Variants in SGMS1 observed in about 807,000 individuals in gnomAD.
SGMS1 encodes phosphatidylcholine:ceramide cholinephosphotransferase 1.
A neutral mutation model predicts 46.2 loss-of-function variants in SGMS1; 13 were observed. The ratio of observed to expected loss-of-function variants is 0.28; its 90% CI spans 0.18 to 0.45. SGMS1 has a LOEUF of 0.45. SGMS1 is among the 20% of genes least tolerant of loss of function. The pLI is 1.00. For synonymous variants in SGMS1, 203 were observed against 187.8 expected, an observed-to-expected ratio of 1.08 and a Z score of -0.66; for missense variants, 324 against 519.9, an observed-to-expected ratio of 0.62 and a Z score of 3.66.
intron 9 of SGMS1, among the ~76,000 whole-genome samples, chr10:50,309,558 C>A (rs1028982355): frequency 3.6e-4 from 55 of 152,182 alleles, no homozygotes; most frequent in Admixed American, 8.5e-4. Context: ...ATCCCTCCCC[C>A]AGGGGTGCTG....
At chr10:50,346,812 C>T (rs1444529872) in intron 6 of SGMS1, among the ~76,000 whole-genome samples, 1 of 152,012 alleles carries the variant, frequency 6.6e-6, no homozygotes, top group African/African-American at 2.4e-5. Context: ...GTGATTCTCC[C>T]AACTCAGCCT....
intron 6 of SGMS1, among the ~76,000 whole-genome samples, chr10:50,381,334 A>G (rs1436666063): frequency 6.6e-6 from 1 of 152,130 alleles, no homozygotes; most frequent in African/African-American, 2.4e-5. Context: ...TCTGAGGTGC[A>G]AGCAAAAGCA....
chr10:50,587,961 A>G (rs1483415755), intron 2 of SGMS1, among the ~76,000 whole-genome samples: 1 of 152,112 alleles, frequency 6.6e-6, no homozygotes, highest in Non-Finnish European at 1.5e-5. Flanking sequence ...ACTTCAGTAG[A>G]AAGTTTTTTA....
chr10:50,319,696 G>T (rs73330914), intron 8 of SGMS1, among the ~76,000 whole-genome samples: 84 of 152,164 alleles, frequency 5.5e-4, no homozygotes, highest in African/African-American at 2.0e-3. Context: ...AACACTGTTG[G>T]CAGGAGTATT....
chr10:50,586,545 T>C (rs1838486169), intron 2 of SGMS1, among the ~76,000 whole-genome samples: 2 of 152,248 alleles, frequency 1.3e-5, no homozygotes, highest in South Asian at 2.1e-4. Context: ...TATTCATCAA[T>C]TGCCTGTTGT....
chr10:50,621,191 C>T (rs1838846628), intron 1 of SGMS1, among the ~76,000 whole-genome samples: 1 of 150,984 alleles, frequency 6.6e-6, no homozygotes, highest in Non-Finnish European at 1.5e-5. Context: ...GAAAAACAAA[C>T]AAAAAAAAAC....
intron 2 of SGMS1, among the ~76,000 whole-genome samples, chr10:50,522,455 CACTTTTATAGTCATTGTTCAT>C (rs1477324940): frequency 1.3e-5 from 2 of 152,198 alleles, no homozygotes; most frequent in Admixed American, 6.5e-5. Flanking sequence ...TGGTATTACC[CACTTTTATAGTCATTGTTCAT>C]ACCTATTGAT....
At chr10:50,507,064 T>C (rs892413472) in intron 3 of SGMS1, among the ~76,000 whole-genome samples, 4 of 152,158 alleles carry the variant, frequency 2.6e-5, no homozygotes, top group African/African-American at 9.7e-5. Flanking sequence ...CCCAGGCTTA[T>C]AGGCCCAGAG....
chr10:50,314,185 A>G (rs1279059239), intron 8 of SGMS1, among the ~76,000 whole-genome samples: 1 of 152,122 alleles, frequency 6.6e-6, no homozygotes, highest in East Asian at 1.9e-4. Context: ...TATAAATAAA[A>G]ATGAACATAA....
At chr10:50,571,215 A>G (rs1404257152) in intron 2 of SGMS1, among the ~76,000 whole-genome samples, 1 of 152,260 alleles carries the variant, frequency 6.6e-6, no homozygotes, top group Admixed American at 6.5e-5. Flanking sequence ...CCATGAAGGA[A>G]AAGCAAACTT....
chr10:50,560,913 C>T (rs995470515), intron 2 of SGMS1, among the ~76,000 whole-genome samples: 3 of 152,084 alleles, frequency 2.0e-5, no homozygotes, highest in Non-Finnish European at 2.9e-5. Flanking sequence ...CTGCATTACT[C>T]GGCAAGGGAC....
intron 1 of SGMS1, among the ~76,000 whole-genome samples, chr10:50,621,611 G>A (rs1264663915): frequency 1.3e-5 from 2 of 152,220 alleles, no homozygotes; most frequent in Non-Finnish European, 2.9e-5. Context: ...CAATGAGTAA[G>A]ATACTGGTTT....
chr10:50,555,523 C>T (rs939881537), intron 2 of SGMS1, among the ~76,000 whole-genome samples: 6 of 152,234 alleles, frequency 3.9e-5, no homozygotes, highest in Non-Finnish European at 5.9e-5. Context: ...ATAAGGAATG[C>T]GGTTGAGGCC....
chr10:50,554,292 T>C (rs1217004605), intron 2 of SGMS1, among the ~76,000 whole-genome samples: 1 of 152,168 alleles, frequency 6.6e-6, no homozygotes, highest in Non-Finnish European at 1.5e-5. Context: ...CAAAAACCCG[T>C]TCCGGTCTGT....
intron 6 of SGMS1, among the ~76,000 whole-genome samples, chr10:50,381,145 A>AAAAC (rs1053399823): frequency 3.3e-5 from 5 of 152,032 alleles, no homozygotes; most frequent in South Asian, 2.1e-4. Flanking sequence ...GCTGTTAAAG[A>AAAAC]AAACAAACAA....
At chr10:50,426,744 G>C (rs1849331357) in intron 6 of SGMS1, among the ~76,000 whole-genome samples, 1 of 152,222 alleles carries the variant, frequency 6.6e-6, no homozygotes, top group Admixed American at 6.5e-5. Context: ...GCTTGACATA[G>C]AAACCACTAG....
chr10:50,429,830 G>A (rs1420539699), intron 6 of SGMS1, among the ~76,000 whole-genome samples: 1 of 151,434 alleles, frequency 6.6e-6, no homozygotes, highest in African/African-American at 2.4e-5. Flanking sequence ...ATTCTTTCTT[G>A]AGCATTTGGA....
At chr10:50,423,207 AC>A (rs1411793995) in intron 6 of SGMS1, among the ~76,000 whole-genome samples, 1 of 152,242 alleles carries the variant, frequency 6.6e-6, no homozygotes, top group Non-Finnish European at 1.5e-5. Context: ...GATCAGCTCA[AC>A]ACGAATTGCA....
At chr10:50,595,725 AAGGTCCTGGAAAC>A (rs1214079864) in intron 1 of SGMS1, among the ~76,000 whole-genome samples, 1 of 152,182 alleles carries the variant, frequency 6.6e-6, no homozygotes, top group East Asian at 1.9e-4. Flanking sequence ...GTGTGACCTT[AAGGTCCTGGAAAC>A]AGTCCCCATG....
Sources: allele counts gnomAD v4.1 joint callset (sites outside exome capture counted in the v4.1 genomes callset), GRCh38; gene constraint gnomAD v4.1.1; transcripts MANE v1.5; gene names NCBI Gene and HGNC (gene_info 2026-07-23, HGNC 2026-07-21).